Variants in TARS3 observed in about 807,000 individuals in gnomAD.
TARS3 encodes threonine--tRNA ligase 2, cytoplasmic.
In TARS3, 94 loss-of-function variants were observed where a neutral mutation model predicts 103.5. The observed-to-expected ratio is 0.91, with a 90% CI of 0.77 to 1.08. The LOEUF is 1.08. TARS3 is among the 50% of genes least tolerant of loss of function. The pLI is 0.00. For missense variants in TARS3, 952 were observed against 995.2 expected, an observed-to-expected ratio of 0.96 and a Z score of 0.58; for synonymous variants, 416 against 355.4, an observed-to-expected ratio of 1.17 and a Z score of -1.92.
At chr15:101,719,545 G>A (rs561499815) in intron 3 of TARS3, among the ~76,000 whole-genome samples, 1 of 152,300 alleles carries the variant, frequency 6.6e-6, no homozygotes, top group Admixed American at 6.5e-5. Flanking sequence ...ATGTGGCTGG[G>A]CGGCCAAGGG....
In TARS3 at chr15:101,679,511, TTTTG is replaced by T. The variant is rs1898170091; in HGVS notation, c.1651-3778_1651-3775del. On this transcript the variant is annotated intron_variant, in intron 12 of 18. Transcript: ENST00000335968. ...TCTGTTTCTTCGCTGACTTTGTAATTTTTGTTTGTTTCAAGTGTGTTAGTAATTG... is the reference window on the plus strand; with the variant it reads ...TCTGTTTCTTCGCTGACTTTGTAATTTTTGTTTCAAGTGTGTTAGTAATTG... 2.0e-5 allele frequency among the ~76,000 whole-genome samples: 3 copies of T among 152,326 alleles called. No individual in the cohort carries two copies. In the East Asian group the frequency reaches 5.8e-4, roughly 29 times the overall value.
intron 15 of TARS3, among the ~76,000 whole-genome samples, chr15:101,668,250 CTCT>C: frequency 6.6e-6 from 1 of 152,228 alleles, no homozygotes; most frequent in South Asian, 2.1e-4. Context: ...AGACTTATGA[CTCT>C]TCTTTAAACA....
intron 2 of TARS3, 118 bp from the exon 3 acceptor site, chr15:101,721,440 C>T: frequency 1.5e-6 from 1 of 672,752 alleles, no homozygotes; most frequent in Non-Finnish European, 2.4e-6. Context: ...TGGTCCCAAG[C>T]TTACCATGGT....
At chr15:101,706,314 T>C (rs1314572530) in intron 6 of TARS3, among the ~76,000 whole-genome samples, 1 of 152,154 alleles carries the variant, frequency 6.6e-6, no homozygotes, top group Non-Finnish European at 1.5e-5. Context: ...TGAAAGAAGA[T>C]GTGCAGTGAG....
At chr15:101,671,926 G>T (rs1157295486) in intron 13 of TARS3, among the ~76,000 whole-genome samples, 178 bp from the exon 14 acceptor site, 1 of 152,078 alleles carries the variant, frequency 6.6e-6, no homozygotes, top group African/African-American at 2.4e-5. Context: ...TGATTAAGGT[G>T]GCACCTGCTC....
chr15:101,688,753 T>C, intron 10 of TARS3, among the ~76,000 whole-genome samples: 1 of 152,132 alleles, frequency 6.6e-6, no homozygotes, highest in Non-Finnish European at 1.5e-5. Flanking sequence ...GGTGATCAAG[T>C]GTTAATTGCC....
intron 16 of TARS3, among the ~76,000 whole-genome samples, chr15:101,661,247 G>A (rs576144899): frequency 6.6e-6 from 1 of 151,834 alleles, no homozygotes; most frequent in African/African-American, 2.4e-5. Context: ...CTTTGAGTTT[G>A]TGCCATTTAT....
Position 101,704,015 on chromosome 15 carries a change from T to C in TARS3, c.996-78A>G. On this transcript the variant is annotated intron_variant, in intron 7 of 18. Coordinates refer to ENST00000335968, the MANE Select transcript of TARS3 (RefSeq NM_152334.3). Reference sequence around the variant, plus strand: ...ATTCATTATAAGCCATAATATCCTATGTTTTAGGTAGAGCTTCACTTATTT... The same window carrying C: ...ATTCATTATAAGCCATAATATCCTACGTTTTAGGTAGAGCTTCACTTATTT... The C allele has an allele frequency of 2.9e-6, 3 of 1,027,056 alleles. 1 individual carries two copies. The highest frequency in any genetic ancestry group is 4.3e-6 in the Non-Finnish European group (3 of 691,262). The allele number at this position is 1,027,056 out of a possible 1,614,324, so 63.6% of individuals were successfully genotyped here.
At chr15:101,693,345 C>T (rs556518141) in intron 10 of TARS3, among the ~76,000 whole-genome samples, 1 of 151,958 alleles carries the variant, frequency 6.6e-6, no homozygotes, top group African/African-American at 2.4e-5. Context: ...GGACTTTGTG[C>T]GGGGGAACTC....
intron 3 of TARS3, among the ~76,000 whole-genome samples, chr15:101,716,458 G>C (rs1900164381): frequency 6.6e-6 from 1 of 151,566 alleles, no homozygotes; most frequent in Non-Finnish European, 1.5e-5. Flanking sequence ...ATATTTAATA[G>C]TATCATAATT....
chr15:101,675,989 G>C (rs569856360), intron 12 of TARS3, among the ~76,000 whole-genome samples: 2 of 152,204 alleles, frequency 1.3e-5, no homozygotes, highest in East Asian at 3.9e-4. Flanking sequence ...AGAGCGGCAC[G>C]GAGGGGCTGC....
chr15:101,687,633 C>G (rs919074686), intron 10 of TARS3, among the ~76,000 whole-genome samples: 1 of 151,988 alleles, frequency 6.6e-6, no homozygotes, highest in Admixed American at 6.6e-5. Context: ...TGAATGCAAC[C>G]ATGTTAGGAA....
intron 12 of TARS3, among the ~76,000 whole-genome samples, chr15:101,680,109 A>T (rs1296961801): frequency 6.6e-6 from 1 of 152,156 alleles, no homozygotes. Flanking sequence ...GGGGGATGGG[A>T]TCTTGTTAAT....
intron 10 of TARS3, among the ~76,000 whole-genome samples, chr15:101,691,976 C>T (rs1041577516): frequency 2.0e-5 from 3 of 152,198 alleles, no homozygotes; most frequent in Non-Finnish European, 2.9e-5. Flanking sequence ...CTTGGACCCT[C>T]AGATCATGGG....
chr15:101,658,311 C>CCA (rs1897255326), intron 16 of TARS3, among the ~76,000 whole-genome samples: 1 of 70,152 alleles, frequency 1.4e-5, no homozygotes, highest in Non-Finnish European at 2.5e-5. Flanking sequence ...ACACCATCAG[C>CCA]AAAAAAAAAA....
intron 18 of TARS3, among the ~76,000 whole-genome samples, chr15:101,655,081 G>C (rs1180850002): frequency 2.0e-5 from 3 of 150,496 alleles, no homozygotes; most frequent in Non-Finnish European, 3.0e-5. Context: ...GCGCAAATGA[G>C]AGCGGGGAGC....
intron 9 of TARS3, 151 bp from the exon 10 acceptor site, chr15:101,701,335 TA>T: frequency 2.1e-6 from 1 of 483,900 alleles, no homozygotes; most frequent in Non-Finnish European, 3.7e-6. Flanking sequence ...TGCAACAGCA[TA>T]TGTAAAATTT....
chr15:101,655,330 T>G (rs1362564539), intron 18 of TARS3, among the ~76,000 whole-genome samples: 1 of 135,772 alleles, frequency 7.4e-6, no homozygotes, highest in African/African-American at 3.0e-5. Context: ...TCTTACAGGC[T>G]CACACTGACC....
intron 18 of TARS3, among the ~76,000 whole-genome samples, chr15:101,655,275 A>G (rs1897157937): frequency 7.1e-6 from 1 of 140,600 alleles, no homozygotes; most frequent in South Asian, 2.4e-4. Context: ...TTACAGGCTC[A>G]CAGTGACTCC....
Sources: allele counts gnomAD v4.1 joint callset (sites outside exome capture counted in the v4.1 genomes callset), GRCh38; gene constraint gnomAD v4.1.1; transcripts MANE v1.5; gene names NCBI Gene and HGNC (gene_info 2026-07-23, HGNC 2026-07-21).